The following GPR137C variants were observed in gnomAD, a reference collection of about 807,000 sequenced individuals.
The protein encoded by GPR137C is integral membrane protein GPR137C.
A neutral mutation model predicts 43.4 loss-of-function variants in GPR137C; 27 were observed. That is an observed-to-expected ratio of 0.62 (90% CI 0.46 to 0.86). The LOEUF is 0.86. Among genes scored for constraint, GPR137C ranks in the 40% least tolerant of loss-of-function variants. The pLI, the probability that GPR137C is intolerant of heterozygous loss-of-function variation, is 0.00. For synonymous variants in GPR137C, 285 were observed against 226.9 expected (o/e 1.26, Z -2.30); for missense variants, 522 against 534.6 (o/e 0.98, Z 0.23).
In GPR137C at chr14:52,553,525, G is replaced by T; in HGVS notation, c.378G>T (p.Leu126=). 1 of 1,609,468 alleles carries T rather than the reference G, an allele frequency of 6.2e-7. No individual in the cohort carries two copies. Among genetic ancestry groups the T allele is most frequent in the Non-Finnish European group, 8.5e-7 (1 of 1,179,600 alleles). Residue 126 remains leucine (L), a synonymous_variant, in exon 1 of 7, where the codon CTG becomes CTT. Transcript: ENST00000321662. ...PAHLHFFPHW[L]LYCFPSCLQF... ...ACCTGCACTTCTTCCCCCACTGGCT[G>T]CTCTACTGCTTCCCCTCCTGTCTCC...
chr14:52,596,808 G>T (rs2038861741), intron 1 of GPR137C: 4 of 407,270 alleles, frequency 9.8e-6, no homozygotes, highest in Admixed American at 7.7e-5. Flanking sequence ...CCCTGCTTCA[G>T]CTCACCCTCC....
intron 3 of GPR137C, among the ~76,000 whole-genome samples, chr14:52,626,154 C>G (rs1374504658): frequency 6.6e-6 from 1 of 151,790 alleles, no homozygotes; most frequent in Non-Finnish European, 1.5e-5. Context: ...AAAACTATAC[C>G]ATTTTATGTA....
At chr14:52,592,921 G>T (rs1437749584) in intron 1 of GPR137C, among the ~76,000 whole-genome samples, 1 of 152,128 alleles carries the variant, frequency 6.6e-6, no homozygotes, top group African/African-American at 2.4e-5. Context: ...TTTTCAAAGG[G>T]AGTGCTTCTA....
intron 1 of GPR137C, among the ~76,000 whole-genome samples, chr14:52,588,811 T>C (rs2139501377): frequency 6.6e-6 from 1 of 152,322 alleles, no homozygotes; most frequent in Admixed American, 6.5e-5. Flanking sequence ...ATTTTTGTAA[T>C]TATACTGTGG....
chr14:52,577,310 A>G (rs151176403), intron 1 of GPR137C, among the ~76,000 whole-genome samples: 1 of 152,028 alleles, frequency 6.6e-6, no homozygotes, highest in Non-Finnish European at 1.5e-5. Flanking sequence ...GTGAAAATAG[A>G]TACCAAAACC....
At chr14:52,619,589 C>T (rs576048509) in intron 3 of GPR137C, among the ~76,000 whole-genome samples, 2 of 152,112 alleles carry the variant, frequency 1.3e-5, no homozygotes, top group Admixed American at 1.3e-4. Context: ...CTTGCTTACA[C>T]TTAGGTTTAT....
intron 1 of GPR137C, among the ~76,000 whole-genome samples, chr14:52,594,886 G>T (rs552086460): frequency 6.6e-6 from 1 of 152,128 alleles, no homozygotes; most frequent in Admixed American, 6.6e-5. Flanking sequence ...TATTTTGCCC[G>T]TTAATTGATG....
intron 1 of GPR137C, among the ~76,000 whole-genome samples, chr14:52,563,490 C>T (rs546613051): frequency 3.9e-5 from 6 of 152,198 alleles, no homozygotes; most frequent in African/African-American, 1.4e-4. Flanking sequence ...TGCATCAAAA[C>T]CTGGTTCTTG....
intron 1 of GPR137C, among the ~76,000 whole-genome samples, chr14:52,565,172 T>G (rs531523761): frequency 4.0e-4 from 61 of 152,332 alleles, no homozygotes; most frequent in Non-Finnish European, 6.8e-4. Context: ...AAATCTACTT[T>G]TTAAATAATG....
At chr14:52,616,822 A>T (rs1478510250) in intron 3 of GPR137C, among the ~76,000 whole-genome samples, 5 of 152,188 alleles carry the variant, frequency 3.3e-5, no homozygotes, top group Non-Finnish European at 5.9e-5. Context: ...AGCCCAATCC[A>T]GATCATTGAA....
intron 1 of GPR137C, among the ~76,000 whole-genome samples, chr14:52,554,365 C>G (rs564488965): frequency 6.6e-6 from 1 of 152,182 alleles, no homozygotes; most frequent in Non-Finnish European, 1.5e-5. Context: ...TTTGCAATAA[C>G]TTGCTTAATA....
At position 52,553,488 on chromosome 14, in the gene GPR137C, G is replaced by T; in HGVS notation, c.341G>T (p.Arg114Leu). The change falls in exon 1 of 7, where the codon CGG becomes CTG. Residue 114 changes from arginine (R) to leucine (L), a missense_variant. Physicochemically the swap from Arg to Leu is moderately radical, Grantham distance 102. Around this residue, in one of 3 missense-constraint regions of GPR137C, gnomAD observed 437 missense variants for 425.7 expected, o/e 1.03. Coordinates refer to ENST00000321662, the MANE Select transcript of GPR137C (RefSeq NM_001099652.2). ...CTCAGCGGCTCCCTGCCCTTGCTCC[G>T]GCCGCCCGCTCACCTGCACTTCTTC... ...FSLSGSLPLLRPPAHLHFFPH... is the reference protein window; with the variant it reads ...FSLSGSLPLLLPPAHLHFFPH... 1 of 1,608,754 alleles carries T rather than the reference G, an allele frequency of 6.2e-7. No homozygotes were observed.
Position 52,554,993 on chromosome 14 carries a change from T to G in GPR137C, c.444+1402T>G, listed in dbSNP as rs543877803. Among the ~76,000 whole-genome samples, 30 of 152,224 alleles carry G rather than the reference T, an allele frequency of 2.0e-4. No individual in the cohort carries two copies. In the South Asian group the frequency reaches 6.0e-3, roughly 30 times the overall value. On this transcript the variant is annotated intron_variant, in intron 1 of 6. Transcript: ENST00000321662. ...CACAAATCAAATGATGCCATAGTCG[T>G]GTCACTTATTTGAGGGTGTTCTAAT...
At chr14:52,567,806 C>T (rs551112544) in intron 1 of GPR137C, among the ~76,000 whole-genome samples, 2 of 151,998 alleles carry the variant, frequency 1.3e-5, no homozygotes, top group Non-Finnish European at 2.9e-5. Flanking sequence ...ATTACAGGTG[C>T]GTGCCTCCAC....
chr14:52,576,451 A>T (rs1055380333), intron 1 of GPR137C, among the ~76,000 whole-genome samples: 1 of 152,226 alleles, frequency 6.6e-6, no homozygotes, highest in African/African-American at 2.4e-5. Flanking sequence ...TCTTTTTGAT[A>T]TAAGAATTTC....
chr14:52,557,437 C>T (rs1310736356), intron 1 of GPR137C, among the ~76,000 whole-genome samples: 1 of 152,108 alleles, frequency 6.6e-6, no homozygotes, highest in African/African-American at 2.4e-5. Context: ...AATTTAGTTT[C>T]AACAAATTCT....
At chr14:52,583,359 T>A (rs2038673541) in intron 1 of GPR137C, among the ~76,000 whole-genome samples, 1 of 152,232 alleles carries the variant, frequency 6.6e-6, no homozygotes, top group Non-Finnish European at 1.5e-5. Context: ...ATAATTGTGT[T>A]TAAGCCTACT....
chr14:52,583,004 T>C (rs2038667282), intron 1 of GPR137C, among the ~76,000 whole-genome samples: 1 of 152,122 alleles, frequency 6.6e-6, no homozygotes, highest in Admixed American at 6.5e-5. Flanking sequence ...ATATAAAATA[T>C]TTGACAGCCA....
intron 1 of GPR137C, among the ~76,000 whole-genome samples, chr14:52,559,690 G>A (rs2139434287): frequency 6.6e-6 from 1 of 152,220 alleles, no homozygotes; most frequent in African/African-American, 2.4e-5. Flanking sequence ...AATAGGCAAG[G>A]GAAAGAAAAA....
Sources: allele counts gnomAD v4.1 joint callset (sites outside exome capture counted in the v4.1 genomes callset), GRCh38; gene constraint gnomAD v4.1.1; regional missense constraint gnomAD v4.1.1; transcripts MANE v1.5; gene names NCBI Gene and HGNC (gene_info 2026-07-23, HGNC 2026-07-21).